Variants in AUTS2 observed in about 807,000 individuals in gnomAD.
The protein encoded by AUTS2 is autism susceptibility gene 2 protein.
In AUTS2, 17 loss-of-function variants were observed where a neutral mutation model predicts 112.4. That is an observed-to-expected ratio of 0.15 (90% confidence interval 0.10 to 0.23). The LOEUF is 0.23. Ranked by LOEUF, AUTS2 falls within the 10% of genes least tolerant of loss-of-function variation. AUTS2 has a pLI of 1.00. For synonymous variants in AUTS2, 751 were observed against 702.7 expected, an observed-to-expected ratio of 1.07 and a Z score of -1.09; for missense variants, 1,510 against 1,701.6, an observed-to-expected ratio of 0.89 and a Z score of 1.98.
At chr7:70,208,429 G>GTAT (rs1810689095) in intron 4 of AUTS2, among the ~76,000 whole-genome samples, 1 of 152,168 alleles carries the variant, frequency 6.6e-6, no homozygotes, top group Admixed American at 6.5e-5. Context: ...TAGGGTTGCA[G>GTAT]TATTCCAAGG....
chr7:70,677,921 A>C (rs1294125298), intron 5 of AUTS2, among the ~76,000 whole-genome samples: 3 of 152,088 alleles, frequency 2.0e-5, no homozygotes, highest in African/African-American at 7.2e-5. Flanking sequence ...GTCTCTACTA[A>C]AAATACAAAA....
rs547302030 is a variant in AUTS2, at chr7:69,673,465, C to T, written c.309+73503C>T. Among the ~76,000 whole-genome samples, 4 of 152,270 alleles carry T rather than the reference C, an allele frequency of 2.6e-5. No homozygotes were observed. In the East Asian group the frequency reaches 7.7e-4, roughly 29 times the overall value. On this transcript the variant is annotated intron_variant, in intron 1 of 18. Transcript: ENST00000342771. Reference sequence around the variant, plus strand: ...CTTTCTGCCATGTATATTTAGGGGCCTAACGGAGAGATAGAAACCTGTTAA... The same window carrying T: ...CTTTCTGCCATGTATATTTAGGGGCTTAACGGAGAGATAGAAACCTGTTAA...
intron 2 of AUTS2, among the ~76,000 whole-genome samples, chr7:69,997,523 A>T (rs1277821835): frequency 1.3e-5 from 2 of 152,178 alleles, no homozygotes; most frequent in Non-Finnish European, 2.9e-5. Flanking sequence ...AAGGAAGTTT[A>T]TTTGGCTCAC....
Position 70,176,637 on chromosome 7 carries a change from G to A in AUTS2, c.660+42066G>A, listed in dbSNP as rs1053796513. On this transcript the variant is annotated intron_variant, in intron 4 of 18. Transcript: ENST00000342771. ...ATGCAGTAAAATCTTTGTTAATTGA[G>A]ATGAAGTGTTGTTTATTTAAATTTG... is the stretch of plus-strand genomic sequence containing the variant. Among the ~76,000 whole-genome samples the A allele has an allele frequency of 4.6e-5, 7 of 152,202 alleles. No individual in the cohort carries two copies. In the East Asian group the frequency reaches 1.3e-3, roughly 29 times the overall value.
At chr7:70,360,910 A>C (rs1792230780) in intron 4 of AUTS2, among the ~76,000 whole-genome samples, 1 of 152,176 alleles carries the variant, frequency 6.6e-6, no homozygotes, top group Admixed American at 6.5e-5. Flanking sequence ...GATTCCACAC[A>C]CAAAAGTCCT....
At chr7:69,626,862 C>T (rs1033212843) in intron 1 of AUTS2, among the ~76,000 whole-genome samples, 4 of 152,158 alleles carry the variant, frequency 2.6e-5, no homozygotes, top group African/African-American at 9.7e-5. Flanking sequence ...TGTGATCTGA[C>T]AGCTAAATAG....
At chr7:70,719,353 A>G (rs1289571507) in intron 6 of AUTS2, among the ~76,000 whole-genome samples, 1 of 152,206 alleles carries the variant, frequency 6.6e-6, no homozygotes, top group Non-Finnish European at 1.5e-5. Context: ...CCTGGTTGTC[A>G]AGGGCTCAAT....
intron 6 of AUTS2, among the ~76,000 whole-genome samples, chr7:70,721,258 T>C (rs117382425): frequency 0.013 from 1,936 of 148,126 alleles, 22 homozygotes; most frequent in Middle Eastern, 0.024. Context: ...GACTGACGTG[T>C]GTGACAGCCA....
intron 5 of AUTS2, among the ~76,000 whole-genome samples, chr7:70,639,142 C>T (rs1180084787): frequency 3.3e-5 from 5 of 152,120 alleles, no homozygotes; most frequent in Non-Finnish European, 7.3e-5. Flanking sequence ...TTATGCATCT[C>T]CCCCAACTAC....
At chr7:69,922,339 T>C (rs903415611) in intron 2 of AUTS2, among the ~76,000 whole-genome samples, 12 of 152,214 alleles carry the variant, frequency 7.9e-5, no homozygotes, top group South Asian at 2.1e-4. Context: ...TAGCATAAGC[T>C]GATCCTTTCT....
intron 4 of AUTS2, among the ~76,000 whole-genome samples, chr7:70,226,134 A>T (rs1259481384): frequency 6.6e-6 from 1 of 152,266 alleles, no homozygotes; most frequent in South Asian, 2.1e-4. Context: ...TGTTGCTTGT[A>T]TGATTATAAG....
chr7:70,229,158 A>G (rs1811920875), intron 4 of AUTS2, among the ~76,000 whole-genome samples: 1 of 152,032 alleles, frequency 6.6e-6, no homozygotes, highest in African/African-American at 2.4e-5. Context: ...CTACATAGTT[A>G]CCTTTAACAA....
chr7:69,784,250 A>G (rs561686553), intron 1 of AUTS2, among the ~76,000 whole-genome samples: 2 of 152,312 alleles, frequency 1.3e-5, no homozygotes, highest in East Asian at 1.9e-4. Flanking sequence ...TGAAGTCCCA[A>G]TGGGAAGTCA....
At chr7:69,866,366 C>T (rs1043485430) in intron 1 of AUTS2, among the ~76,000 whole-genome samples, 1 of 152,136 alleles carries the variant, frequency 6.6e-6, no homozygotes, top group Non-Finnish European at 1.5e-5. Flanking sequence ...TTTCAAAACC[C>T]TGTCCTTGCT....
At chr7:70,610,970 C>A (rs10260302) in intron 5 of AUTS2, among the ~76,000 whole-genome samples, 48,232 of 152,016 alleles carry the variant, frequency 0.32, 8,231 homozygotes, top group Non-Finnish European at 0.36. Context: ...CTTTGCCATG[C>A]CAAAGATTTT....
At chr7:70,722,495 T>C (rs1786755176) in intron 6 of AUTS2, among the ~76,000 whole-genome samples, 2 of 152,176 alleles carry the variant, frequency 1.3e-5, no homozygotes, top group Non-Finnish European at 2.9e-5. Context: ...ATTTAAGGAT[T>C]TTTCTCTTCC....
At chr7:70,162,471 A>G (rs1584811028) in intron 4 of AUTS2, among the ~76,000 whole-genome samples, 2 of 146,502 alleles carry the variant, frequency 1.4e-5, no homozygotes, top group East Asian at 4.0e-4. Context: ...AAAAAAAAAA[A>G]AAAAAAAAAG....
At chr7:70,353,397 C>T (rs1791854995) in intron 4 of AUTS2, among the ~76,000 whole-genome samples, 1 of 152,106 alleles carries the variant, frequency 6.6e-6, no homozygotes, top group Non-Finnish European at 1.5e-5. Flanking sequence ...CCCTTAACCA[C>T]AGGCATGGTG....
rs754865010 is a variant in AUTS2, at chr7:70,030,671, T to C, written c.523-87461T>C. Among the ~76,000 whole-genome samples, 188 of 152,176 alleles carry C rather than the reference T, an allele frequency of 1.2e-3. 4 individuals carry two copies. The highest frequency in any genetic ancestry group is 3.4e-4 in the Non-Finnish European group (23 of 68,024). On this transcript the variant is annotated intron_variant, in intron 2 of 18. Coordinates refer to ENST00000342771, the MANE Select transcript of AUTS2 (RefSeq NM_015570.4). Reference sequence around the variant, plus strand: ...GAGCCTCTTAGTATTTGTCATACACTATGGATTAAACCAGTTTATGGCCCA... The same window carrying C: ...GAGCCTCTTAGTATTTGTCATACACCATGGATTAAACCAGTTTATGGCCCA...
Sources: gnomAD v4.1 joint callset for allele counts (sites outside exome capture counted in the v4.1 genomes callset) on GRCh38, gnomAD v4.1.1 for gene constraint, MANE v1.5 for transcripts, NCBI Gene and HGNC (gene_info 2026-07-23, HGNC 2026-07-21) for gene names.